Variants in ZNF266 observed in about 807,000 individuals in gnomAD.
The protein encoded by ZNF266 is zinc finger protein 1.
In ZNF266, 16 loss-of-function variants were observed where a neutral mutation model predicts 16.4. The ratio of observed to expected loss-of-function variants is 0.98; its 90% confidence interval spans 0.66 to 1.48. The LOEUF (loss-of-function observed/expected upper bound fraction) is 1.48. Ranked by LOEUF, ZNF266 falls within the 40% of genes most tolerant of loss-of-function variation. ZNF266 has a pLI of 0.00. For missense variants in ZNF266, 738 were observed against 689.1 expected (o/e 1.07, Z -0.79); for synonymous variants, 262 against 237.9 (o/e 1.10, Z -0.93).
At chr19:9,433,197 G>A (rs1342142487) in intron 5 of ZNF266, among the ~76,000 whole-genome samples, 3 of 152,094 alleles carry the variant, frequency 2.0e-5, no homozygotes, top group Admixed American at 6.6e-5. Context: ...TTTTTTTTCC[G>A]TCATCGATGT....
intron 10 of ZNF266, among the ~76,000 whole-genome samples, chr19:9,414,931 A>G (rs996123804): frequency 6.6e-6 from 1 of 152,232 alleles, no homozygotes; most frequent in Non-Finnish European, 1.5e-5. Context: ...AAATGTCTGT[A>G]GAGTTTTATG....
chr19:9,416,660 G>A (rs1030106805), intron 9 of ZNF266, among the ~76,000 whole-genome samples: 2 of 134,690 alleles, frequency 1.5e-5, no homozygotes, highest in African/African-American at 5.7e-5. Context: ...CACCGTGCCA[G>A]GCCTTTTTTT....
chr19:9,417,233 G>T (rs180692744), intron 9 of ZNF266, among the ~76,000 whole-genome samples: 1 of 151,848 alleles, frequency 6.6e-6, no homozygotes, highest in African/African-American at 2.4e-5. Flanking sequence ...TTAACCAGGC[G>T]TGGCACACAC....
chr19:9,429,515 T>C (rs887649588), intron 5 of ZNF266, among the ~76,000 whole-genome samples: 1 of 152,002 alleles, frequency 6.6e-6, no homozygotes, highest in African/African-American at 2.4e-5. Context: ...AGTGACATCC[T>C]AGACGACCTT....
At chr19:9,414,815 T>C in intron 10 of ZNF266, 95 bp from the exon 11 acceptor site, 3 of 1,371,482 alleles carry the variant, frequency 2.2e-6, no homozygotes, top group Non-Finnish European at 2.9e-6. Context: ...ATGATTATTA[T>C]CATGTTTACC....
chr19:9,413,909 A>T lies in ZNF266; in HGVS notation c.1217T>A (p.Leu406His). ...CGKSFRNSSC[L>H]SDHFRIHTGI... Reference sequence around the variant, plus strand: ...AGTGTGAATTCGAAAGTGATCACTGAGGCATGAGGAATTTCTAAAGGATTT... The same window carrying T: ...AGTGTGAATTCGAAAGTGATCACTGTGGCATGAGGAATTTCTAAAGGATTT... Residue 406 changes from leucine to histidine, a missense_variant, in exon 11 of 11, where the codon CTC becomes CAC. Physicochemically the swap from Leu to His is moderately conservative, Grantham distance 99. Transcript: ENST00000592904. 1 of 1,614,200 alleles carries T rather than the reference A, an allele frequency of 6.2e-7. No individual in the cohort carries two copies. The highest frequency in any genetic ancestry group is 8.5e-7 in the Non-Finnish European group (1 of 1,180,042).
chr19:9,413,067 T>TTC lies in ZNF266; in HGVS notation c.*206_*207dup, dbSNP rs2068463727. ...TCATACAGTTTCTCTCCAGTGAGAT[T>TTC]TCTGATGTGTTTGGTAAGGCTTGAG... On this transcript the variant is annotated 3_prime_UTR_variant, in exon 11 of 11. Transcript: ENST00000592904. 10 of 584,816 alleles carry TTC rather than the reference T, an allele frequency of 1.7e-5. No individual in the cohort carries two copies. The South Asian group carries it at 2.7e-4, about 16-fold the overall frequency. The allele number at this position is 584,816 out of a possible 1,614,324, so 36.2% of individuals were successfully genotyped here.
chr19:9,435,401 C>G lies in ZNF266; in HGVS notation c.-675G>C, dbSNP rs1012372670. On this transcript the variant is annotated 5_prime_UTR_variant, in exon 1 of 11. Transcript: ENST00000592904. ...CCCCGGCGGACGCGAGCGGAGCAGG[C>G]AAGGTCTCTCTAAGGAGGCCCCTCG... The G allele has an allele frequency of 3.9e-5, 6 of 152,212 alleles. No homozygotes were observed. The highest frequency in any genetic ancestry group is 1.4e-4 in the African/African-American group (6 of 41,438). 9.4% of individuals were successfully genotyped at this position (152,212 alleles called of 1,614,324 possible).
At chr19:9,415,627 A>G (rs757276217) in intron 10 of ZNF266, 27 bp downstream of exon 10, 53 of 1,566,714 alleles carry the variant, frequency 3.4e-5, no homozygotes, top group Non-Finnish European at 4.2e-5. Context: ...AAATGTGAAA[A>G]CTAAGACGTA....
At chr19:9,422,859 T>G (rs559866757) in intron 5 of ZNF266, among the ~76,000 whole-genome samples, 19 of 152,202 alleles carry the variant, frequency 1.2e-4, no homozygotes, top group Non-Finnish European at 2.5e-4. Flanking sequence ...CATACACAGA[T>G]TCATCAAAAG....
In ZNF266 at chr19:9,414,159, T is replaced by TAGAAAA; in HGVS notation, c.966_967insTTTTCT (p.Leu322_Thr323insPheSer). On this transcript the variant is annotated inframe_insertion, in exon 11 of 11. Transcript: ENST00000592904. ...CCAGTGTGAGTTTTTCTGTGCTGAG[T>TAGAAAA]AAGTTGACAAGACCTGGTGAAGGCT... 1 of 1,613,846 alleles carries TAGAAAA rather than the reference T, an allele frequency of 6.2e-7. No individual in the cohort carries two copies. The highest frequency in any genetic ancestry group is 1.1e-5 in the South Asian group (1 of 91,080).
At position 9,414,537 on chromosome 19, in the gene ZNF266, C is replaced by T. The variant is rs751234357; in HGVS notation, c.589G>A (p.Val197Ile). Reference sequence around the variant, plus strand: ...AAGGCTTTTCCACACTGACTAAATACAGAACGTTGCTCTCCAGTAGAGGTT... The same window carrying T: ...AAGGCTTTTCCACACTGACTAAATATAGAACGTTGCTCTCCAGTAGAGGTT... ...KKTSTGEQRSVFSQCGKAFSL... is the reference protein window; with the variant it reads ...KKTSTGEQRSIFSQCGKAFSL... Residue 197 changes from valine to isoleucine, a missense_variant, in exon 11 of 11, where the codon GTA becomes ATA. Transcript: ENST00000592904. 9.3e-6 allele frequency: 15 copies of T among 1,614,104 alleles called. No homozygotes were observed. The highest frequency in any genetic ancestry group is 2.2e-5 in the South Asian group (2 of 91,086).
rs999445187 is a variant in ZNF266, at chr19:9,434,809, C to G, written c.-421G>C. The G allele has an allele frequency of 2.8e-5, 4 of 142,286 alleles. No homozygotes were observed. Among genetic ancestry groups the G allele is most frequent in the Non-Finnish European group, 3.1e-5 (2 of 65,264 alleles). The allele number at this position is 142,286 out of a possible 1,614,324, so 8.8% of individuals were successfully genotyped here. ...AATGTTCAACTTACTTCAAAGCCTC[C>G]ATTCCTTCTTCCTAAAAGCCCGTTT... On this transcript the variant is annotated 5_prime_UTR_variant, in exon 3 of 11. An upstream start codon of the reference 5' UTR is lost. Transcript: ENST00000592904.
intron 10 of ZNF266, 48 bp from the exon 11 acceptor site, chr19:9,414,768 T>C: frequency 6.7e-7 from 1 of 1,497,542 alleles, no homozygotes; most frequent in Non-Finnish European, 8.9e-7. Flanking sequence ...TCAGATTGAT[T>C]AACAGATTCC....
At chr19:9,425,039 G>T (rs2070527762) in intron 5 of ZNF266, among the ~76,000 whole-genome samples, 1 of 152,156 alleles carries the variant, frequency 6.6e-6, no homozygotes, top group African/African-American at 2.4e-5. Flanking sequence ...TCCCCTGCCT[G>T]TGTAGCTGTT....
At chr19:9,422,424 G>C (rs1301766969) in intron 5 of ZNF266, among the ~76,000 whole-genome samples, 2 of 152,264 alleles carry the variant, frequency 1.3e-5, no homozygotes, top group African/African-American at 2.4e-5. Flanking sequence ...ATATGCATCT[G>C]AGTTCTGAGG....
chr19:9,417,041 A>G (rs1399421081), intron 9 of ZNF266, among the ~76,000 whole-genome samples: 1 of 152,140 alleles, frequency 6.6e-6, no homozygotes, highest in Non-Finnish European at 1.5e-5. Flanking sequence ...CAAAGCGTAA[A>G]AGTATGAGAA....
At chr19:9,424,588 T>C (rs1351578872) in intron 5 of ZNF266, among the ~76,000 whole-genome samples, 2 of 152,226 alleles carry the variant, frequency 1.3e-5, no homozygotes, top group African/African-American at 2.4e-5. Context: ...ACAAGAAATG[T>C]AGTTTTGCAT....
chr19:9,417,870 C>T lies in ZNF266; in HGVS notation c.274G>A (p.Glu92Lys), dbSNP rs1209794032. The T allele has an allele frequency of 6.2e-6, 10 of 1,613,960 alleles. No individual in the cohort carries two copies. The African/African-American group carries it at 1.3e-4, about 22-fold the overall frequency. Reference sequence around the variant, plus strand: ...TGCACTGTCCTAGACTCTTCTTGTTCCAGCCAAGAGATCAGACTGGGTTTG... The same window carrying T: ...TGCACTGTCCTAGACTCTTCTTGTTTCAGCCAAGAGATCAGACTGGGTTTG... ...LFKPSLISWL[E>K]QEESRTVQRG... Residue 92 changes from glutamate to lysine, a missense_variant, in exon 9 of 11, where the codon GAA becomes AAA. Transcript: ENST00000592904.
Sources: allele counts gnomAD v4.1 joint callset (sites outside exome capture counted in the v4.1 genomes callset), GRCh38; gene constraint gnomAD v4.1.1; transcripts MANE v1.5; gene names NCBI Gene and HGNC (gene_info 2026-07-23, HGNC 2026-07-21).